The following CEP112 variants were observed in gnomAD, a reference collection of about 807,000 sequenced individuals.
CEP112 encodes centrosomal protein 112, also known as centrosomal protein of 112 kDa.
In CEP112, 127 loss-of-function variants were observed where a neutral mutation model predicts 153.0. That is an observed-to-expected ratio of 0.83 (90% CI 0.72 to 0.96). The LOEUF (loss-of-function observed/expected upper bound fraction) is 0.96, where lower values mean the gene tolerates loss of function less well. Among genes scored for constraint, CEP112 ranks in the 40% least tolerant of loss-of-function variants. CEP112 has a pLI of 0.00. For missense variants in CEP112, 1,089 were observed against 1,101.2 expected, an observed-to-expected ratio of 0.99 and a Z score of 0.16; for synonymous variants, 358 against 374.4, an observed-to-expected ratio of 0.96 and a Z score of 0.51.
At chr17:65,918,681 TG>T (rs2060586678) in intron 19 of CEP112, among the ~76,000 whole-genome samples, 2 of 152,160 alleles carry the variant, frequency 1.3e-5, no homozygotes, top group East Asian at 3.8e-4. Context: ...GAATGAGGTT[TG>T]TGAAAAGACA....
At chr17:66,136,054 AG>A (rs2146573620) in intron 4 of CEP112, among the ~76,000 whole-genome samples, 1 of 152,308 alleles carries the variant, frequency 6.6e-6, no homozygotes, top group African/African-American at 2.4e-5. Flanking sequence ...CCTGTACTCC[AG>A]GCAAGCATGA....
Position 65,655,388 on chromosome 17 carries a change from T to G in CEP112, c.2698-14323A>C, listed in dbSNP as rs111296324. ...ACTACGAAAGGAAGCTCAACTCCAGTAAAGAACTAAGAACAGTACATGACA... is the reference window on the plus strand; with the variant it reads ...ACTACGAAAGGAAGCTCAACTCCAGGAAAGAACTAAGAACAGTACATGACA... On this transcript the variant is annotated intron_variant, in intron 24 of 26. Transcript: ENST00000535342. 1,867 of 1,536,128 alleles carry G rather than the reference T, an allele frequency of 1.2e-3. 20 individuals are homozygous for G. In the African/African-American group the frequency reaches 0.023, roughly 19 times the overall value.
intron 20 of CEP112, among the ~76,000 whole-genome samples, chr17:65,871,936 G>T (rs2058683290): frequency 6.6e-6 from 1 of 152,048 alleles, no homozygotes. Context: ...CAACCCCATG[G>T]GACTATGCAA....
chr17:66,002,366 C>T (rs1451084072), intron 17 of CEP112, among the ~76,000 whole-genome samples: 1 of 152,092 alleles, frequency 6.6e-6, no homozygotes, highest in Non-Finnish European at 1.5e-5. Context: ...CCTACATGGT[C>T]GCAAAATTCT....
At chr17:65,770,157 CAAACA>C (rs1567987201) in intron 21 of CEP112, among the ~76,000 whole-genome samples, 1 of 148,792 alleles carries the variant, frequency 6.7e-6, no homozygotes, top group African/African-American at 2.5e-5. Flanking sequence ...AACAAACAAA[CAAACA>C]AAAGATGAGA....
At chr17:65,881,257 G>GCC (rs1449973935) in intron 20 of CEP112, among the ~76,000 whole-genome samples, 2 of 151,950 alleles carry the variant, frequency 1.3e-5, no homozygotes, top group Admixed American at 1.3e-4. Context: ...CCACAAAAAT[G>GCC]GAATGGAAAG....
intron 4 of CEP112, among the ~76,000 whole-genome samples, chr17:66,162,278 A>C (rs2071745110): frequency 6.6e-6 from 1 of 152,204 alleles, no homozygotes; most frequent in African/African-American, 2.4e-5. Flanking sequence ...TTCAAACTAT[A>C]CATCTGCCAT....
intron 20 of CEP112, among the ~76,000 whole-genome samples, chr17:65,858,327 T>C (rs1335011304): frequency 3.3e-5 from 5 of 152,308 alleles, no homozygotes; most frequent in Middle Eastern, 3.4e-3. Context: ...TAAAATTATA[T>C]GAACTCAGTG....
At chr17:66,056,072 T>C (rs924559365) in intron 11 of CEP112, among the ~76,000 whole-genome samples, 2 of 152,166 alleles carry the variant, frequency 1.3e-5, no homozygotes, top group African/African-American at 4.8e-5. Flanking sequence ...AGGATACAAA[T>C]CTTGCTGGAG....
chr17:65,963,111 G>T (rs1438944066), intron 17 of CEP112, among the ~76,000 whole-genome samples: 1 of 152,192 alleles, frequency 6.6e-6, no homozygotes, highest in Non-Finnish European at 1.5e-5. Context: ...AGTCCTGAAA[G>T]TGTGCTTCTA....
chr17:66,152,351 G>T (rs76017409), intron 4 of CEP112, among the ~76,000 whole-genome samples: 5,179 of 152,240 alleles, frequency 0.034, 131 homozygotes, highest in Middle Eastern at 0.061. Context: ...ATATGCTTGA[G>T]GAACTAAGTG....
At chr17:65,970,189 A>ATGTG (rs2062622131) in intron 17 of CEP112, among the ~76,000 whole-genome samples, 1 of 130,356 alleles carries the variant, frequency 7.7e-6, no homozygotes, top group African/African-American at 2.6e-5. Flanking sequence ...TATTACATGC[A>ATGTG]TATATGCTGC....
rs1021937757 is a variant in CEP112, at chr17:66,187,621, T to C, written c.-8-4314A>G. On this transcript the variant is annotated intron_variant, in intron 1 of 26. Transcript: ENST00000535342. ...ATGGCTCTGGCTTCTCCAGTCAATATGGACTCTCCAGTGCTCTTTCCTTAG... is the reference window on the plus strand; with the variant it reads ...ATGGCTCTGGCTTCTCCAGTCAATACGGACTCTCCAGTGCTCTTTCCTTAG... Among the ~76,000 whole-genome samples, 19 of 152,226 alleles carry C rather than the reference T, an allele frequency of 1.2e-4. 1 individual carries two copies. The highest frequency in any genetic ancestry group is 2.1e-4 in the Non-Finnish European group (14 of 68,040).
At chr17:65,859,103 C>T (rs192591408) in intron 20 of CEP112, among the ~76,000 whole-genome samples, 31 of 152,156 alleles carry the variant, frequency 2.0e-4, no homozygotes, top group Non-Finnish European at 1.3e-4. Context: ...GTTGATGTAA[C>T]GTCTGAAAAT....
At chr17:65,701,906 T>G (rs1317971764) in intron 23 of CEP112, among the ~76,000 whole-genome samples, 6 of 148,734 alleles carry the variant, frequency 4.0e-5, no homozygotes, top group African/African-American at 4.9e-5. Flanking sequence ...TTGTTTTTTT[T>G]TTTTTTTTTT....
intron 20 of CEP112, among the ~76,000 whole-genome samples, chr17:65,861,244 G>C (rs952345988): frequency 4.6e-5 from 7 of 152,168 alleles, no homozygotes; most frequent in African/African-American, 1.7e-4. Context: ...GTATGGAATG[G>C]CAATTATATC....
chr17:65,821,181 A>T (rs1598686265), intron 21 of CEP112, among the ~76,000 whole-genome samples: 1 of 151,964 alleles, frequency 6.6e-6, no homozygotes, highest in East Asian at 1.9e-4. Flanking sequence ...TTTTAGCCAT[A>T]AGTGCAGTGA....
At chr17:66,162,049 A>G (rs2071734089) in intron 4 of CEP112, among the ~76,000 whole-genome samples, 1 of 152,202 alleles carries the variant, frequency 6.6e-6, no homozygotes. Context: ...AATGCAAGCC[A>G]CAGAGTGAAA....
intron 16 of CEP112, among the ~76,000 whole-genome samples, chr17:66,012,829 T>C (rs2064593886): frequency 6.6e-6 from 1 of 152,240 alleles, no homozygotes; most frequent in African/African-American, 2.4e-5. Context: ...TTTTCCAAGC[T>C]ACTTGCTTTC....
Sources: allele counts gnomAD v4.1 joint callset (sites outside exome capture counted in the v4.1 genomes callset), GRCh38; gene constraint gnomAD v4.1.1; transcripts MANE v1.5; gene names NCBI Gene and HGNC (gene_info 2026-07-23, HGNC 2026-07-21).